Variants in PIK3CD observed in about 807,000 individuals in gnomAD.
PIK3CD encodes the protein phosphatidylinositol-4,5-bisphosphate 3-kinase catalytic subunit delta, also known as phosphatidylinositol 4,5-bisphosphate 3-kinase catalytic subunit delta isoform.
PIK3CD carries 20 observed loss-of-function variants against 122.9 expected under a neutral mutation model. The ratio of observed to expected loss-of-function variants is 0.16; its 90% CI spans 0.11 to 0.24. PIK3CD has a LOEUF of 0.24. Among genes scored for constraint, PIK3CD ranks in the 10% least tolerant of loss-of-function variants. The probability of loss-of-function intolerance (pLI) is 1.00; values close to 1 mark genes in which losing one functional copy is unlikely to be tolerated. For missense variants in PIK3CD, 787 were observed against 1,406.3 expected (o/e 0.56, Z 7.04); for synonymous variants, 596 against 593.4 (o/e 1.00, Z -0.06).
chr1:9,696,677 G>C (rs182270042), intron 2 of PIK3CD, among the ~76,000 whole-genome samples: 85 of 151,438 alleles, frequency 5.6e-4, no homozygotes, highest in African/African-American at 2.0e-3. Flanking sequence ...CTGAGCTAGG[G>C]AGGTTGAGGA....
chr1:9,630,171 G>A, the PIK3CD span, among the ~76,000 whole-genome samples: 1 of 152,226 alleles, frequency 6.6e-6, no homozygotes, highest in South Asian at 2.1e-4. Flanking sequence ...GACTGATCCA[G>A]GCTGGACCCA....
At chr1:9,690,143 C>G (rs552087387) in intron 1 of PIK3CD, among the ~76,000 whole-genome samples, 1 of 152,118 alleles carries the variant, frequency 6.6e-6, no homozygotes, top group Non-Finnish European at 1.5e-5. Context: ...CTATTCGGGA[C>G]GGAGCCTCCT....
At chr1:9,667,119 C>G (rs77664586) in intron 1 of PIK3CD, among the ~76,000 whole-genome samples, 2 of 152,188 alleles carry the variant, frequency 1.3e-5, no homozygotes, top group African/African-American at 4.8e-5. Flanking sequence ...TCGCCTCTGC[C>G]TCCCAAAGTG....
At chr1:9,669,604 G>A (rs777193028) in intron 1 of PIK3CD, among the ~76,000 whole-genome samples, 1 of 152,118 alleles carries the variant, frequency 6.6e-6, no homozygotes, top group Non-Finnish European at 1.5e-5. Flanking sequence ...GGGATTACGG[G>A]CATGAGCCTG....
intron 1 of PIK3CD, chr1:9,662,385 C>A: frequency 5.8e-6 from 1 of 172,418 alleles, no homozygotes; most frequent in Non-Finnish European, 1.3e-5. Context: ...GACAGTCGTG[C>A]CATTAGACTT....
At chr1:9,629,455 C>T in the PIK3CD span, among the ~76,000 whole-genome samples, 2 of 139,488 alleles carry the variant, frequency 1.4e-5, no homozygotes, top group Non-Finnish European at 3.1e-5. Flanking sequence ...CACTCCCTGC[C>T]CCCCCACCCC....
chr1:9,710,940 C>A lies in PIK3CD; in HGVS notation c.141+344C>A, dbSNP rs1241275719. ...AGCTGGGATTACAGGCATGCACCATCACGCCCAACTAATTTTGTATTTTTA... is the reference window on the plus strand; with the variant it reads ...AGCTGGGATTACAGGCATGCACCATAACGCCCAACTAATTTTGTATTTTTA... On this transcript the variant is annotated intron_variant, in intron 3 of 23. Transcript: ENST00000377346. The surrounding 1 kb of genome is among the most constrained non-coding windows in gnomAD (Gnocchi z 4.7). 6.6e-6 allele frequency among the ~76,000 whole-genome samples: 1 copy of A among 152,052 alleles called. No individual in the cohort carries two copies. Among genetic ancestry groups the A allele is most frequent in the Admixed American group, 6.6e-5 (1 of 15,252 alleles).
At chr1:9,655,154 C>A (rs1023113504) in intron 1 of PIK3CD, among the ~76,000 whole-genome samples, 1 of 151,938 alleles carries the variant, frequency 6.6e-6, no homozygotes, top group Non-Finnish European at 1.5e-5. Flanking sequence ...TTCAGCAAAG[C>A]TGTTAGAGAA....
At chr1:9,654,115 C>T (rs1644764619) in intron 1 of PIK3CD, 5 of 1,191,974 alleles carry the variant, frequency 4.2e-6, no homozygotes, top group Non-Finnish European at 5.7e-6. Flanking sequence ...CCAGAGACAA[C>T]TAAGCTAGCC....
chr1:9,639,832 C>T, the PIK3CD span, among the ~76,000 whole-genome samples: 6 of 152,138 alleles, frequency 3.9e-5, no homozygotes, highest in African/African-American at 1.4e-4. Context: ...CGGGTTCAAG[C>T]GATTCTTGTG....
Position 9,671,048 on chromosome 1 carries a change from G to A in PIK3CD, c.-138+19246G>A, listed in dbSNP as rs189262656. ...GCTGGGATTACAGATGTGAGCCACCGCGTCTGGCCTAAAAATTTATTTATT... is the reference window on the plus strand; with the variant it reads ...GCTGGGATTACAGATGTGAGCCACCACGTCTGGCCTAAAAATTTATTTATT... On this transcript the variant is annotated intron_variant, in intron 1 of 23. Coordinates refer to ENST00000377346, the MANE Select transcript of PIK3CD (RefSeq NM_005026.5). 1.3e-4 allele frequency among the ~76,000 whole-genome samples: 19 copies of A among 151,196 alleles called. No homozygotes were observed. In the East Asian group the frequency reaches 3.3e-3, roughly 27 times the overall value.
At chr1:9,726,874 C>T (rs929045551) in intron 23 of PIK3CD, 35 bp from the exon 24 acceptor site, 3 of 1,613,306 alleles carry the variant, frequency 1.9e-6, no homozygotes, top group Non-Finnish European at 2.5e-6. Context: ...GGTCCGGGCC[C>T]CCTTAACGTG....
At chr1:9,640,196 G>A in the PIK3CD span, among the ~76,000 whole-genome samples, 1 of 152,084 alleles carries the variant, frequency 6.6e-6, no homozygotes, top group East Asian at 1.9e-4. Context: ...AGATGCTCCA[G>A]TTTCATCTGT....
intron 2 of PIK3CD, among the ~76,000 whole-genome samples, chr1:9,707,468 A>G (rs1204581123): frequency 6.6e-6 from 1 of 151,706 alleles, no homozygotes; most frequent in African/African-American, 2.4e-5. Flanking sequence ...TCACCCAGGT[A>G]TTAAGCCTAG....
Position 9,666,767 on chromosome 1 carries a change from C to T in PIK3CD, c.-138+14965C>T, listed in dbSNP as rs188663565. ...TCGCCCAAGCTGGAGTGCAGTGGTGCGATCTTGGCTTACTGCAACCTCTGC... is the reference window on the plus strand; with the variant it reads ...TCGCCCAAGCTGGAGTGCAGTGGTGTGATCTTGGCTTACTGCAACCTCTGC... On this transcript the variant is annotated intron_variant, in intron 1 of 23. Transcript: ENST00000377346. Among the ~76,000 whole-genome samples, 110 of 151,854 alleles carry T rather than the reference C, an allele frequency of 7.2e-4. 1 individual carries two copies. In the East Asian group the frequency reaches 0.021, roughly 29 times the overall value.
In PIK3CD at chr1:9,715,215, A is replaced by G. The variant is rs1647240272; in HGVS notation, c.142-326A>G. Among the ~76,000 whole-genome samples, 1 of 152,202 alleles carries G rather than the reference A, an allele frequency of 6.6e-6. No individual in the cohort carries two copies. The highest frequency in any genetic ancestry group is 1.5e-5 in the Non-Finnish European group (1 of 68,032). The stretch of plus-strand genomic sequence containing the variant: ...ATAGGTGAAGAACTCCAGGACAGTT[A>G]GCTGGGCTGCATGAAGGTCATGGCC... On this transcript the variant is annotated intron_variant, in intron 3 of 23. Coordinates refer to ENST00000377346, the MANE Select transcript of PIK3CD (RefSeq NM_005026.5). This position sits in a 1 kb window ranked among gnomAD's most constrained non-coding sequence, Gnocchi z 4.1.
chr1:9,725,597 G>A (rs917668101), intron 23 of PIK3CD, among the ~76,000 whole-genome samples: 1 of 151,418 alleles, frequency 6.6e-6, no homozygotes, highest in Non-Finnish European at 1.5e-5. Flanking sequence ...TATTTTTCCA[G>A]GCCGGGTGCG....
In PIK3CD at chr1:9,652,177, G is replaced by A. The variant is rs1434576376; in HGVS notation, c.-138+375G>A. Among the ~76,000 whole-genome samples, 2 of 152,126 alleles carry A rather than the reference G, an allele frequency of 1.3e-5. No homozygotes were observed. Among genetic ancestry groups the A allele is most frequent in the Non-Finnish European group, 2.9e-5 (2 of 67,978 alleles). On this transcript the variant is annotated intron_variant, in intron 1 of 23. Transcript: ENST00000377346. This position sits in a 1 kb window ranked among gnomAD's most constrained non-coding sequence, Gnocchi z 6.2. ...GCCTCCGGTGCGCCGGCTGAGGCGC[G>A]AGGATACTGGAAGCGCTCAGCGCGT...
chr1:9,642,365 A>G, the PIK3CD span, among the ~76,000 whole-genome samples: 5 of 151,354 alleles, frequency 3.3e-5, no homozygotes, highest in Non-Finnish European at 7.4e-5. Context: ...CACTTGCCTC[A>G]GCCTCCCAAA....
Sources: gnomAD v4.1 joint callset for allele counts (sites outside exome capture counted in the v4.1 genomes callset) on GRCh38, gnomAD v4.1.1 for gene constraint, Gnocchi (gnomAD v3.1) non-coding constraint, MANE v1.5 for transcripts, NCBI Gene and HGNC (gene_info 2026-07-23, HGNC 2026-07-21) for gene names.